The following USP34 variants were observed in gnomAD, a reference collection of about 807,000 sequenced individuals.
USP34 encodes the protein ubiquitin specific peptidase 34.
Under a neutral mutation model 460.3 loss-of-function variants are expected in USP34, and 70 were observed. The observed-to-expected ratio is 0.15, with a 90% CI of 0.13 to 0.19. The LOEUF (loss-of-function observed/expected upper bound fraction) is 0.19, where lower values mean the gene tolerates loss of function less well. Among genes scored for constraint, USP34 ranks in the 10% least tolerant of loss-of-function variants. The pLI is 1.00. For synonymous variants in USP34, 1,647 were observed against 1,405.3 expected, an observed-to-expected ratio of 1.17 and a Z score of -3.85; for missense variants, 3,985 against 4,236.2, an observed-to-expected ratio of 0.94 and a Z score of 1.65.
intron 48 of USP34, among the ~76,000 whole-genome samples, 185 bp from the exon 49 acceptor site, chr2:61,248,868 A>G (rs557825986): frequency 6.6e-6 from 1 of 152,316 alleles, no homozygotes; most frequent in South Asian, 2.1e-4. Context: ...GACAGTATCA[A>G]ACTCTATATA....
intron 75 of USP34, among the ~76,000 whole-genome samples, chr2:61,201,794 G>A (rs1039656810): frequency 6.6e-6 from 1 of 152,138 alleles, no homozygotes; most frequent in African/African-American, 2.4e-5. Context: ...GTAACTTTTA[G>A]TATAAATTAT....
At chr2:61,396,709 C>T (rs1481785987) in intron 3 of USP34, among the ~76,000 whole-genome samples, 6 of 151,990 alleles carry the variant, frequency 3.9e-5, no homozygotes, top group Non-Finnish European at 5.9e-5. Context: ...AGGATGGTCT[C>T]GATCTCCTGA....
intron 1 of USP34, among the ~76,000 whole-genome samples, chr2:61,451,220 C>CAAAAAAAGAA (rs1695264721): frequency 2.0e-5 from 1 of 50,806 alleles, no homozygotes; most frequent in African/African-American, 1.0e-4. Flanking sequence ...GGCTTCATCT[C>CAAAAAAAGAA]AAAAAAAAAA....
chr2:61,391,244 A>G (rs1693336367), intron 5 of USP34, among the ~76,000 whole-genome samples: 2 of 152,168 alleles, frequency 1.3e-5, no homozygotes, highest in African/African-American at 4.8e-5. Flanking sequence ...CCAGGAGTTC[A>G]AGACCAGCCT....
chr2:61,187,935 T>G lies in USP34; in HGVS notation c.*167A>C. 7.0e-7 allele frequency: 1 copy of G among 1,432,502 alleles called. No homozygotes were observed. The highest frequency in any genetic ancestry group is 2.5e-5 in the East Asian group (1 of 39,478). The allele number at this position is 1,432,502 out of a possible 1,614,324, so 88.7% of individuals were successfully genotyped here. A position where few individuals can be genotyped will look rare whatever the true frequency, so the allele number is the denominator to read the frequency against. ...AAGTATACTGAAGATGCAAGTTTTT[T>G]TCATCTGGAGTTCTGCCTGACCAAG... is the stretch of plus-strand genomic sequence containing the variant. On this transcript the variant is annotated 3_prime_UTR_variant, in exon 80 of 80. Transcript: ENST00000398571.
intron 29 of USP34, among the ~76,000 whole-genome samples, chr2:61,298,364 CAAAAAAAAAAAA>C (rs11417017): frequency 4.2e-5 from 2 of 48,050 alleles, no homozygotes; most frequent in African/African-American, 8.4e-5. Context: ...TACAAAAATA[CAAAAAAAAAAAA>C]AAAAAAAAAA....
intron 15 of USP34, among the ~76,000 whole-genome samples, chr2:61,345,942 G>C (rs527396202): frequency 5.9e-5 from 9 of 152,142 alleles, no homozygotes; most frequent in East Asian, 5.8e-4. Context: ...AAAAAATGAA[G>C]AAAAATTAAT....
intron 72 of USP34, among the ~76,000 whole-genome samples, chr2:61,204,921 A>G (rs544023954): frequency 3.3e-5 from 5 of 152,262 alleles, no homozygotes; most frequent in Admixed American, 1.3e-4. Context: ...CAGTGGTGCA[A>G]TCAGCTCACT....
In USP34 at chr2:61,232,544, A is replaced by T. The variant is rs971907529; in HGVS notation, c.7033-12T>A. On this transcript the variant is annotated splice_polypyrimidine_tract_variant and intron_variant, in intron 57 of 79. Transcript: ENST00000398571. Reference sequence around the variant, plus strand: ...CGATCTAAAAACCACTGTTAAAAAAAAATACAGCATGACTTTAACATTCAA... The same window carrying T: ...CGATCTAAAAACCACTGTTAAAAAATAATACAGCATGACTTTAACATTCAA... The T allele has an allele frequency of 1.9e-6, 3 of 1,596,966 alleles. No individual in the cohort carries two copies. Among genetic ancestry groups the T allele is most frequent in the Non-Finnish European group, 1.7e-6 (2 of 1,173,502 alleles).
In USP34 at chr2:61,348,228, G is replaced by A. The variant is rs377253883; in HGVS notation, c.1927C>T (p.Arg643Trp). ...GCTTGACTCTCTAACTTTCTATTCC[G>A]AAGATCTGTACCACAACTGCTTTTG... ...PPKSSCGTDL[R>W]NRKLESQAGI... Residue 643 changes from arginine to tryptophan, a missense_variant, in exon 15 of 80, where the codon CGG becomes TGG. Coordinates refer to ENST00000398571, the MANE Select transcript of USP34 (RefSeq NM_014709.4). 15 of 1,613,994 alleles carry A rather than the reference G, an allele frequency of 9.3e-6. No homozygotes were observed. Among genetic ancestry groups the A allele is most frequent in the East Asian group, 4.5e-5 (2 of 44,902 alleles).
intron 23 of USP34, among the ~76,000 whole-genome samples, chr2:61,316,655 C>A (rs181181343): frequency 2.6e-5 from 4 of 151,918 alleles, no homozygotes; most frequent in Admixed American, 1.3e-4. Flanking sequence ...GAGGCCAAGG[C>A]GGGTGGATCA....
intron 41 of USP34, 178 bp downstream of exon 41, chr2:61,277,987 G>T: frequency 1.3e-6 from 1 of 782,750 alleles, no homozygotes; most frequent in Non-Finnish European, 1.9e-6. Context: ...CTTCCGGCAC[G>T]ATTGTGAGGC....
rs764461614 is a variant in USP34, at chr2:61,293,482, C to T, written c.4530G>A (p.Glu1510=). ...CACTTACCACAGTCCATGATTCCTG[C>T]TCTTTAGGCTCTAGAATTCCAGAAT... ...IFNSGILEPK[E]QESWTVWQLD... The change falls in exon 33 of 80, where the codon GAG becomes GAA. Residue 1510 remains glutamate (E), a synonymous_variant. Transcript: ENST00000398571. 6 of 1,612,744 alleles carry T rather than the reference C, an allele frequency of 3.7e-6. No homozygotes were observed. Among genetic ancestry groups the T allele is most frequent in the Non-Finnish European group, 5.1e-6 (6 of 1,179,246 alleles).
At chr2:61,260,457 T>C (rs1285744865) in intron 43 of USP34, among the ~76,000 whole-genome samples, 2 of 152,162 alleles carry the variant, frequency 1.3e-5, no homozygotes, top group African/African-American at 4.8e-5. Context: ...TCTCATAACT[T>C]TGAAAGTCTT....
chr2:61,416,515 C>T (rs923686712), intron 2 of USP34, among the ~76,000 whole-genome samples: 1 of 151,842 alleles, frequency 6.6e-6, no homozygotes. Flanking sequence ...GTGGAATTTC[C>T]AAGATATAAA....
rs1194995700 is a variant in USP34 at position 61,454,876 on chromosome 2, T to G, written c.43+15774A>C. Among the ~76,000 whole-genome samples the G allele has an allele frequency of 8.1e-5, 12 of 148,428 alleles. No individual in the cohort carries two copies. In the South Asian group the frequency reaches 1.5e-3, roughly 18 times the overall value. On this transcript the variant is annotated intron_variant, in intron 1 of 79. Transcript: ENST00000398571. ...ATAGTGGGGTTTTTTTTTTCTTTTT[T>G]TTTTTTTTTGGTTGTTTATTTGAGA... is the stretch of plus-strand genomic sequence containing the variant.
chr2:61,204,643 T>A (rs774536897), intron 72 of USP34, 42 bp from the exon 73 acceptor site: 1 of 1,473,876 alleles, frequency 6.8e-7, no homozygotes, highest in Non-Finnish European at 9.5e-7. Flanking sequence ...AAATTAAGAG[T>A]TATATCTGCC....
At chr2:61,251,715 C>G (rs756887920) in intron 48 of USP34, among the ~76,000 whole-genome samples, 1 of 152,102 alleles carries the variant, frequency 6.6e-6, no homozygotes, top group South Asian at 2.1e-4. Context: ...TTTGTGTCTA[C>G]TTTAAAAGAC....
intron 5 of USP34, among the ~76,000 whole-genome samples, chr2:61,385,047 C>G (rs1187977861): frequency 6.6e-6 from 1 of 152,038 alleles, no homozygotes; most frequent in Admixed American, 6.6e-5. Context: ...ATGCACACAC[C>G]TATCTATACA....
Sources: gnomAD v4.1 joint callset for allele counts (sites outside exome capture counted in the v4.1 genomes callset) on GRCh38, gnomAD v4.1.1 for gene constraint, MANE v1.5 for transcripts, NCBI Gene and HGNC (gene_info 2026-07-23, HGNC 2026-07-21) for gene names.